Variants in PCBP3 observed in about 807,000 individuals in gnomAD.
The protein encoded by PCBP3 is poly(rC) binding protein 3, also known as poly(rC)-binding protein 3.
In PCBP3, 25 loss-of-function variants were observed where a neutral mutation model predicts 52.7. The ratio of observed to expected loss-of-function variants is 0.47; its 90% CI spans 0.35 to 0.66. The LOEUF (loss-of-function observed/expected upper bound fraction) is 0.66. Among genes scored for constraint, PCBP3 ranks in the 30% least tolerant of loss-of-function variants. PCBP3 has a pLI of 0.01. For synonymous variants in PCBP3, 162 were observed against 183.0 expected (o/e 0.89, Z 0.93); for missense variants, 391 against 490.3 (o/e 0.80, Z 1.91).
intron 11 of PCBP3, 110 bp downstream of exon 11, chr21:45,911,140 G>T (rs1351018521): frequency 1.6e-6 from 2 of 1,259,114 alleles, no homozygotes; most frequent in East Asian, 2.3e-5. Context: ...CACAGTTGGG[G>T]CTGTGGGGGG....
intron 9 of PCBP3, among the ~76,000 whole-genome samples, chr21:45,907,804 G>T (rs576131407): frequency 6.6e-6 from 1 of 151,600 alleles, no homozygotes; most frequent in African/African-American, 2.4e-5. Context: ...TTTTAGGAGG[G>T]CTGGAAAAGA....
At chr21:45,914,334 G>A (rs1404561451) in intron 12 of PCBP3, 31 of 514,972 alleles carry the variant, frequency 6.0e-5, no homozygotes, top group Non-Finnish European at 5.8e-5. Context: ...GATAGCCGGC[G>A]CGCAGGCGCT....
intron 5 of PCBP3, among the ~76,000 whole-genome samples, chr21:45,885,597 G>T (rs2095499226): frequency 6.6e-6 from 1 of 152,034 alleles, no homozygotes; most frequent in Admixed American, 6.5e-5. Flanking sequence ...TCTCCCTCTT[G>T]TTGGGACGGG....
At chr21:45,941,602 C>A (rs2077477117) in intron 17 of PCBP3, 68 bp from the exon 18 acceptor site, 1 of 1,442,464 alleles carries the variant, frequency 6.9e-7, no homozygotes, top group African/African-American at 1.4e-5. Context: ...AGCCCGGCCT[C>A]ACGTCTGCCC....
chr21:45,708,915 C>T (rs1186661682), intron 2 of PCBP3, among the ~76,000 whole-genome samples: 1 of 152,210 alleles, frequency 6.6e-6, no homozygotes, highest in East Asian at 1.9e-4. Context: ...CTGGCAGGCC[C>T]ATGTGTGTGC....
intron 9 of PCBP3, chr21:45,901,483 G>C (rs1386053268): frequency 3.7e-6 from 1 of 272,406 alleles, no homozygotes; most frequent in African/African-American, 2.2e-5. Flanking sequence ...CCTCCAGCCA[G>C]CTCTGCCACA....
intron 5 of PCBP3, among the ~76,000 whole-genome samples, chr21:45,895,026 A>T (rs989050905): frequency 1.3e-5 from 2 of 152,234 alleles, no homozygotes; most frequent in Non-Finnish European, 2.9e-5. Flanking sequence ...GCACAGGTGT[A>T]GACAGCGTAA....
intron 15 of PCBP3, among the ~76,000 whole-genome samples, chr21:45,932,119 G>C (rs1284753976): frequency 1.3e-5 from 2 of 151,644 alleles, no homozygotes; most frequent in African/African-American, 4.8e-5. Flanking sequence ...TGGCCATGCT[G>C]TCCTGAGGTG....
At chr21:45,792,446 AAAACTT>A (rs2146411435) in intron 4 of PCBP3, among the ~76,000 whole-genome samples, 1 of 152,330 alleles carries the variant, frequency 6.6e-6, no homozygotes, top group African/African-American at 2.4e-5. Flanking sequence ...CTGTGGAAAG[AAAACTT>A]AAATAGAGTT....
chr21:45,786,137 T>A (rs577543811), intron 4 of PCBP3, among the ~76,000 whole-genome samples: 172 of 141,860 alleles, frequency 1.2e-3, no homozygotes, highest in South Asian at 9.4e-3. Context: ...AATAAAAAAA[T>A]AAATAAATAA....
chr21:45,673,539 C>A (rs2081294964), intron 2 of PCBP3: 2 of 152,090 alleles, frequency 1.3e-5, no homozygotes, highest in Admixed American at 1.3e-4. Flanking sequence ...TCTGTAGTAT[C>A]CTACAAGAAG....
At chr21:45,874,201 A>G (rs1030660111) in intron 5 of PCBP3, among the ~76,000 whole-genome samples, 1 of 152,254 alleles carries the variant, frequency 6.6e-6, no homozygotes, top group African/African-American at 2.4e-5. Context: ...CTAGTAAAAT[A>G]AATCGGCTCA....
rs865827569 is a variant in PCBP3 at position 45,837,130 on chromosome 21, G to A, written c.-125-12831G>A. On this transcript the variant is annotated intron_variant, in intron 4 of 17. Transcript: ENST00000681687. The surrounding 1 kb of genome is among the most constrained non-coding windows in gnomAD (Gnocchi z 4.1). ...CATGTCAGTTTTTGTTTCAAAGCGC[G>A]GGTACCAATTCCCATCCCCCAGCAG... Among the ~76,000 whole-genome samples, 2 of 152,144 alleles carry A rather than the reference G, an allele frequency of 1.3e-5. No homozygotes were observed. Among genetic ancestry groups the A allele is most frequent in the East Asian group, 1.9e-4 (1 of 5,188 alleles).
chr21:45,694,930 G>T (rs1302640997), intron 2 of PCBP3, among the ~76,000 whole-genome samples: 6 of 151,874 alleles, frequency 4.0e-5, no homozygotes, highest in African/African-American at 1.2e-4. Context: ...TCAGCAATTT[G>T]TTTTTTTTAG....
At chr21:45,908,120 TC>T (rs1260311381) in intron 9 of PCBP3, among the ~76,000 whole-genome samples, 1 of 152,134 alleles carries the variant, frequency 6.6e-6, no homozygotes, top group Non-Finnish European at 1.5e-5. Context: ...AGTCAAATGT[TC>T]CCCCAGGGCA....
At chr21:45,798,066 T>A (rs1271030106) in intron 4 of PCBP3, among the ~76,000 whole-genome samples, 1 of 70,926 alleles carries the variant, frequency 1.4e-5, no homozygotes, top group Non-Finnish European at 2.6e-5. Context: ...TGAATGGATG[T>A]GCATGTGGAT....
chr21:45,650,012 G>C (rs528700014), intron 1 of PCBP3, among the ~76,000 whole-genome samples: 1 of 152,118 alleles, frequency 6.6e-6, no homozygotes, highest in Admixed American at 6.6e-5. Flanking sequence ...TTTCCTGGGA[G>C]AAACTGTGAT....
chr21:45,797,489 G>C (rs1221856786), intron 4 of PCBP3, among the ~76,000 whole-genome samples: 5 of 143,756 alleles, frequency 3.5e-5, no homozygotes, highest in Non-Finnish European at 6.2e-5. Context: ...GATCCATAGA[G>C]AGAGTGTAAT....
At chr21:45,706,273 C>T (rs576422387) in intron 2 of PCBP3, among the ~76,000 whole-genome samples, 49 of 152,086 alleles carry the variant, frequency 3.2e-4, no homozygotes, top group Non-Finnish European at 6.6e-4. Flanking sequence ...ACTGTGTAGC[C>T]GGAGGAAGAG....
Sources: allele counts gnomAD v4.1 joint callset (sites outside exome capture counted in the v4.1 genomes callset), GRCh38; gene constraint gnomAD v4.1.1; non-coding constraint Gnocchi (gnomAD v3.1); transcripts MANE v1.5; gene names NCBI Gene and HGNC (gene_info 2026-07-23, HGNC 2026-07-21).